Variants in POU6F2 observed in about 807,000 individuals in gnomAD.
POU6F2 encodes POU class 6 homeobox 2, also known as POU domain, class 6, transcription factor 2.
POU6F2 carries 31 observed loss-of-function variants against 71.3 expected under a neutral mutation model. The observed-to-expected ratio is 0.43, with a 90% CI of 0.33 to 0.59. POU6F2 has a LOEUF of 0.59. Among genes scored for constraint, POU6F2 ranks in the 20% least tolerant of loss-of-function variants. The probability of loss-of-function intolerance (pLI) is 0.04; values close to 1 mark genes in which losing one functional copy is unlikely to be tolerated. For synonymous variants in POU6F2, 347 were observed against 355.7 expected, an observed-to-expected ratio of 0.98 and a Z score of 0.27; for missense variants, 783 against 856.8, an observed-to-expected ratio of 0.91 and a Z score of 1.07.
chr7:39,091,320 C>G (rs1791360227), intron 2 of POU6F2, among the ~76,000 whole-genome samples: 1 of 152,162 alleles, frequency 6.6e-6, no homozygotes, highest in African/African-American at 2.4e-5. Flanking sequence ...TAGCTCTTTG[C>G]TATGCCTGGG....
intron 2 of POU6F2, among the ~76,000 whole-genome samples, chr7:39,087,151 AATTAATTAATTTATTTATTT>A (rs1321648778): frequency 3.4e-5 from 2 of 58,858 alleles, no homozygotes; most frequent in African/African-American, 1.2e-4. Flanking sequence ...TTTATTAATT[AATTAATTAATTTATTTATTT>A]ATTTATTTAT....
intron 4 of POU6F2, among the ~76,000 whole-genome samples, chr7:39,226,912 ATTC>A (rs1433035762): frequency 6.6e-6 from 1 of 152,180 alleles, no homozygotes; most frequent in East Asian, 1.9e-4. Context: ...TTCACATGCT[ATTC>A]TTCTTCCCTT....
intron 1 of POU6F2, among the ~76,000 whole-genome samples, chr7:39,023,243 G>T (rs776277826): frequency 5.5e-4 from 84 of 151,894 alleles, no homozygotes; most frequent in Non-Finnish European, 1.0e-3. Flanking sequence ...AGCCTTTATT[G>T]GATATATGTA....
intron 4 of POU6F2, among the ~76,000 whole-genome samples, chr7:39,236,158 C>T (rs1046076707): frequency 6.6e-6 from 1 of 152,106 alleles, no homozygotes; most frequent in Non-Finnish European, 1.5e-5. Context: ...CAGAGAACCA[C>T]GGAATTTTCT....
chr7:39,087,155 A>ATTT (rs1791268872), intron 2 of POU6F2, among the ~76,000 whole-genome samples: 15 of 52,286 alleles, frequency 2.9e-4, no homozygotes, highest in South Asian at 1.4e-3. Flanking sequence ...TTAATTAATT[A>ATTT]ATTAATTTAT....
At chr7:39,229,471 C>T (rs1251532499) in intron 4 of POU6F2, among the ~76,000 whole-genome samples, 5 of 152,196 alleles carry the variant, frequency 3.3e-5, no homozygotes, top group South Asian at 2.1e-4. Flanking sequence ...TTGCTCATCC[C>T]GAGGTTTAAT....
At chr7:39,126,944 A>G (rs1792150353) in intron 2 of POU6F2, among the ~76,000 whole-genome samples, 1 of 152,248 alleles carries the variant, frequency 6.6e-6, no homozygotes, top group Admixed American at 6.5e-5. Context: ...AGCCCAGTAG[A>G]AATTAAATGC....
chr7:39,107,088 A>G (rs933945441), intron 2 of POU6F2, among the ~76,000 whole-genome samples: 3 of 140,136 alleles, frequency 2.1e-5, no homozygotes, highest in Admixed American at 7.8e-5. Flanking sequence ...TCTGTTGCCC[A>G]GGCTGGAGTG....
chr7:39,169,374 T>C (rs535006079), intron 2 of POU6F2, among the ~76,000 whole-genome samples: 23 of 152,320 alleles, frequency 1.5e-4, no homozygotes, highest in African/African-American at 5.1e-4. Context: ...GAAGAACTGT[T>C]AGGCTTGTTA....
chr7:39,133,601 C>T (rs1792331963), intron 2 of POU6F2, among the ~76,000 whole-genome samples: 1 of 152,190 alleles, frequency 6.6e-6, no homozygotes, highest in Non-Finnish European at 1.5e-5. Flanking sequence ...TTATCTTCTG[C>T]ATTTGTTTAC....
intron 1 of POU6F2, among the ~76,000 whole-genome samples, chr7:39,011,860 C>T (rs1367314247): frequency 1.3e-5 from 2 of 150,976 alleles, no homozygotes; most frequent in Non-Finnish European, 3.0e-5. Context: ...CCCCCACTCT[C>T]TTCTGGCTTG....
chr7:39,003,148 G>A (rs1421357742), intron 1 of POU6F2, among the ~76,000 whole-genome samples: 1 of 152,136 alleles, frequency 6.6e-6, no homozygotes, highest in Non-Finnish European at 1.5e-5. Flanking sequence ...ACAGAAAGAT[G>A]AGATGCATAT....
At position 39,437,640 on chromosome 7, in the gene POU6F2, TCA is replaced by T. The variant is rs1268612235; in HGVS notation, c.1320+4358_1320+4359del. On this transcript the variant is annotated intron_variant, in intron 7 of 9. Transcript: ENST00000518318. ...TATCTCCTTCAAATCTTCTCTGATCTCAGTTATTTCTTGTCTTCTGCTAGCTT... is the reference window on the plus strand; with the variant it reads ...TATCTCCTTCAAATCTTCTCTGATCTGTTATTTCTTGTCTTCTGCTAGCTT... 3.3e-5 allele frequency among the ~76,000 whole-genome samples: 5 copies of T among 152,316 alleles called. No homozygotes were observed. The East Asian group carries it at 9.6e-4, about 29-fold the overall frequency.
At chr7:39,203,183 G>A (rs4279508) in intron 2 of POU6F2, among the ~76,000 whole-genome samples, 56,670 of 151,896 alleles carry the variant, frequency 0.37, 10,864 homozygotes, top group South Asian at 0.49. Flanking sequence ...TTTTAAATGA[G>A]CCAATAATAC....
intron 1 of POU6F2, among the ~76,000 whole-genome samples, chr7:39,000,903 G>A (rs117640879): frequency 3.9e-5 from 6 of 152,226 alleles, no homozygotes; most frequent in Non-Finnish European, 8.8e-5. Context: ...GACCTGCCCA[G>A]TGTTGTTTGT....
chr7:39,077,986 C>A (rs1278159042), intron 1 of POU6F2, among the ~76,000 whole-genome samples: 1 of 152,150 alleles, frequency 6.6e-6, no homozygotes, highest in African/African-American at 2.4e-5. Flanking sequence ...TGGGGCAACA[C>A]TTGTATGCAC....
intron 4 of POU6F2, among the ~76,000 whole-genome samples, chr7:39,266,978 A>C (rs559319273): frequency 1.3e-5 from 2 of 152,208 alleles, no homozygotes; most frequent in South Asian, 4.2e-4. Flanking sequence ...GTACCTGTTG[A>C]CCAACCTCTT....
intron 1 of POU6F2, among the ~76,000 whole-genome samples, chr7:38,997,839 T>C (rs886482511): frequency 6.6e-5 from 10 of 152,246 alleles, no homozygotes; most frequent in Admixed American, 5.2e-4. Flanking sequence ...ATGAATTTTA[T>C]ATAGTTTTAG....
chr7:39,258,046 G>T (rs1262363280), intron 4 of POU6F2, among the ~76,000 whole-genome samples: 2 of 152,136 alleles, frequency 1.3e-5, no homozygotes, highest in Non-Finnish European at 2.9e-5. Flanking sequence ...ACAGATGCAA[G>T]ATTACCTGGG....
Sources: allele counts gnomAD v4.1 joint callset (sites outside exome capture counted in the v4.1 genomes callset), GRCh38; gene constraint gnomAD v4.1.1; transcripts MANE v1.5; gene names NCBI Gene and HGNC (gene_info 2026-07-23, HGNC 2026-07-21).